Variants in SERTM1 observed in about 807,000 individuals in gnomAD.
SERTM1 encodes serine rich and transmembrane domain containing 1, also known as serine-rich and transmembrane domain-containing protein 1.
A neutral mutation model predicts 5.5 loss-of-function variants in SERTM1; 1 was observed. That is an observed-to-expected ratio of 0.18 (90% CI 0.06 to 0.86). The LOEUF (loss-of-function observed/expected upper bound fraction) is 0.86. Ranked by LOEUF, SERTM1 falls within the 40% of genes least tolerant of loss-of-function variation. The probability of loss-of-function intolerance (pLI) is 0.69; values close to 1 mark genes in which losing one functional copy is unlikely to be tolerated. For missense variants in SERTM1, 91 were observed against 122.4 expected, an observed-to-expected ratio of 0.74 and a Z score of 1.21; for synonymous variants, 52 against 55.1, an observed-to-expected ratio of 0.94 and a Z score of 0.25.
rs986925169 is a variant in SERTM1, at chr13:36,697,091, A to C, written c.*1689A>C. 6.0e-6 allele frequency: 1 copy of C among 166,942 alleles called. No homozygotes were observed. The highest frequency in any genetic ancestry group is 1.5e-5 in the Non-Finnish European group (1 of 68,096). 10.3% of individuals were successfully genotyped at this position (166,942 alleles called of 1,614,324 possible). A position where few individuals can be genotyped will look rare whatever the true frequency, so the allele number is the denominator to read the frequency against. ...ACACATTTAACTATTTATATATCAA[A>C]AACGTCCCCAAACACCATAAGACCA... On this transcript the variant is annotated 3_prime_UTR_variant, in exon 2 of 2. Coordinates refer to ENST00000315190, the MANE Select transcript of SERTM1 (RefSeq NM_203451.3).
Position 36,674,123 on chromosome 13 carries a change from G to A in SERTM1, c.-235G>A, listed in dbSNP as rs1001296678. 3 of 152,286 alleles carry A rather than the reference G, an allele frequency of 2.0e-5. No individual in the cohort carries two copies. Among genetic ancestry groups the A allele is most frequent in the Non-Finnish European group, 4.4e-5 (3 of 68,114 alleles). The allele number at this position is 152,286 out of a possible 1,614,324, so 9.4% of individuals were successfully genotyped here. A position where few individuals can be genotyped will look rare whatever the true frequency, so the allele number is the denominator to read the frequency against. On this transcript the variant is annotated 5_prime_UTR_variant, in exon 1 of 2. Transcript: ENST00000315190. ...TCGCGGGCGCGTATCGTCCAGACCG[G>A]AGCACCGCCCCACCGCTAGCGCAGG... is the stretch of plus-strand genomic sequence containing the variant.
chr13:36,686,519 A>G (rs1304119554), intron 1 of SERTM1, among the ~76,000 whole-genome samples: 1 of 152,200 alleles, frequency 6.6e-6, no homozygotes, highest in East Asian at 1.9e-4. Flanking sequence ...ACCAGTTAAC[A>G]TTTTGACACA....
intron 1 of SERTM1, among the ~76,000 whole-genome samples, chr13:36,675,061 T>C (rs900046451): frequency 1.3e-5 from 2 of 152,184 alleles, no homozygotes; most frequent in Non-Finnish European, 2.9e-5. Context: ...AGGACCAGGA[T>C]TGGGGCTATG....
intron 1 of SERTM1, among the ~76,000 whole-genome samples, chr13:36,693,579 C>A (rs945448131): frequency 6.6e-5 from 10 of 152,122 alleles, no homozygotes; most frequent in African/African-American, 2.4e-4. Flanking sequence ...CAGGGACAGC[C>A]CTCTCTGAAG....
intron 1 of SERTM1, among the ~76,000 whole-genome samples, chr13:36,689,968 A>T (rs1176443819): frequency 6.6e-6 from 1 of 152,194 alleles, no homozygotes; most frequent in South Asian, 2.1e-4. Flanking sequence ...GCTGGAATTG[A>T]TTCTTAAAAT....
intron 1 of SERTM1, among the ~76,000 whole-genome samples, chr13:36,688,786 A>G (rs547067479): frequency 6.6e-6 from 1 of 152,230 alleles, no homozygotes; most frequent in South Asian, 2.1e-4. Flanking sequence ...TATGATCTTC[A>G]AGTCATTATT....
chr13:36,695,285 C>A lies in SERTM1; in HGVS notation c.207C>A (p.Ile69=). 1 of 1,614,124 alleles carries A rather than the reference C, an allele frequency of 6.2e-7. No individual in the cohort carries two copies. The change falls in exon 2 of 2, where the codon ATC becomes ATA. Residue 69 remains isoleucine (I), a synonymous_variant. Transcript: ENST00000315190. ...LIIALQRLKN[I]ISSSSSYPEY... is the part of the protein sequence containing the mutation. ...TTGCCCTCCAGAGGCTCAAAAATAT[C>A]ATCTCCTCCAGTTCCTCCTACCCAG...
At chr13:36,682,654 A>G (rs1466573833) in intron 1 of SERTM1, among the ~76,000 whole-genome samples, 2 of 152,174 alleles carry the variant, frequency 1.3e-5, no homozygotes, top group Admixed American at 1.3e-4. Flanking sequence ...CTGGAACGCA[A>G]ATCTTAGGTA....
At chr13:36,684,671 G>A (rs540188808) in intron 1 of SERTM1, among the ~76,000 whole-genome samples, 6 of 151,694 alleles carry the variant, frequency 4.0e-5, no homozygotes, top group Non-Finnish European at 7.4e-5. Flanking sequence ...CTGCATCCCA[G>A]CTCAAACCAT....
Position 36,694,971 on chromosome 13 carries a change from T to C in SERTM1, c.-108T>C, listed in dbSNP as rs2056803208. 2 of 783,738 alleles carry C rather than the reference T, an allele frequency of 2.6e-6. No homozygotes were observed. Among genetic ancestry groups the C allele is most frequent in the African/African-American group, 3.4e-5 (2 of 58,010 alleles). The allele number at this position is 783,738 out of a possible 1,614,324, so 48.5% of individuals were successfully genotyped here. The stretch of plus-strand genomic sequence containing the variant: ...GTTTTGTTGTGCTGATTTAACAGCC[T>C]GTGAATTCTGCAAACACGATCGTGA... On this transcript the variant is annotated 5_prime_UTR_variant, in exon 2 of 2. Transcript: ENST00000315190.
At chr13:36,689,511 A>ATAATAG (rs1408187096) in intron 1 of SERTM1, among the ~76,000 whole-genome samples, 7 of 42,178 alleles carry the variant, frequency 1.7e-4, no homozygotes, top group African/African-American at 4.1e-4. Context: ...TCTCAAAATA[A>ATAATAG]TAATAATAAT....
intron 1 of SERTM1, among the ~76,000 whole-genome samples, chr13:36,686,326 C>G (rs773560159): frequency 3.3e-5 from 5 of 152,216 alleles, no homozygotes; most frequent in Non-Finnish European, 5.9e-5. Flanking sequence ...TGGCTTCTAT[C>G]ATTGTATTTC....
chr13:36,687,366 A>G lies in SERTM1; in HGVS notation c.-173-7540A>G, dbSNP rs542156705. On this transcript the variant is annotated intron_variant, in intron 1 of 1. Transcript: ENST00000315190. ...AACAAATACATGATTACGGTTGTCAATAGAGATAGATATAAATAGTGACCT... is the reference window on the plus strand; with the variant it reads ...AACAAATACATGATTACGGTTGTCAGTAGAGATAGATATAAATAGTGACCT... 1.2e-4 allele frequency among the ~76,000 whole-genome samples: 18 copies of G among 152,338 alleles called. No individual in the cohort carries two copies. In the South Asian group the frequency reaches 3.7e-3, roughly 32 times the overall value.
At chr13:36,688,953 T>C (rs1206366024) in intron 1 of SERTM1, among the ~76,000 whole-genome samples, 1 of 152,178 alleles carries the variant, frequency 6.6e-6, no homozygotes, top group Non-Finnish European at 1.5e-5. Context: ...TTTAGGCCAA[T>C]TATGTTAGCC....
Position 36,685,035 on chromosome 13 carries a change from G to A in SERTM1, c.-173-9871G>A, listed in dbSNP as rs77448081. On this transcript the variant is annotated intron_variant, in intron 1 of 1. Transcript: ENST00000315190. ...TCTGGGAGAATTTGAGCCTACACTT[G>A]TCTATTGCTTCCATATTGTCTTTGA... Among the ~76,000 whole-genome samples, 433 of 152,238 alleles carry A rather than the reference G, an allele frequency of 2.8e-3. 2 individuals are homozygous for A. Among genetic ancestry groups the A allele is most frequent in the Admixed American group, 7.3e-3 (111 of 15,302 alleles).
chr13:36,693,757 G>C (rs748143076), intron 1 of SERTM1, among the ~76,000 whole-genome samples: 16 of 152,236 alleles, frequency 1.1e-4, no homozygotes, highest in Non-Finnish European at 1.5e-4. Flanking sequence ...GCTAGAGGCA[G>C]AGTGAATGTT....
intron 1 of SERTM1, among the ~76,000 whole-genome samples, chr13:36,679,062 T>A (rs2056687311): frequency 6.6e-6 from 1 of 152,114 alleles, no homozygotes; most frequent in Non-Finnish European, 1.5e-5. Context: ...TATAGAAAAG[T>A]ACACAGATCA....
At chr13:36,693,691 AG>A (rs2056794146) in intron 1 of SERTM1, among the ~76,000 whole-genome samples, 1 of 152,218 alleles carries the variant, frequency 6.6e-6, no homozygotes, top group Non-Finnish European at 1.5e-5. Context: ...TTTGGAGAAC[AG>A]AAGGAAAAGG....
intron 1 of SERTM1, among the ~76,000 whole-genome samples, chr13:36,691,691 C>T (rs183341786): frequency 6.6e-6 from 1 of 152,132 alleles, no homozygotes; most frequent in African/African-American, 2.4e-5. Context: ...AGTCTGCTGG[C>T]GCTGCCCCGA....
Sources: allele counts gnomAD v4.1 joint callset (sites outside exome capture counted in the v4.1 genomes callset), GRCh38; gene constraint gnomAD v4.1.1; transcripts MANE v1.5; gene names NCBI Gene and HGNC (gene_info 2026-07-23, HGNC 2026-07-21).